Variants in ULK4 observed in about 807,000 individuals in gnomAD.
ULK4 encodes unc-51 like kinase 4, also known as inactive serine/threonine-protein kinase ULK4.
A neutral mutation model predicts 160.6 loss-of-function variants in ULK4; 133 were observed. That is an observed-to-expected ratio of 0.83 (90% CI 0.72 to 0.96). The LOEUF (loss-of-function observed/expected upper bound fraction) is 0.96, where lower values mean the gene tolerates loss of function less well. ULK4 is among the 40% of genes least tolerant of loss of function. The pLI, the probability that ULK4 is intolerant of heterozygous loss-of-function variation, is 0.00. For missense variants in ULK4, 1,580 were observed against 1,499.5 expected, an observed-to-expected ratio of 1.05 and a Z score of -0.89; for synonymous variants, 534 against 539.8, an observed-to-expected ratio of 0.99 and a Z score of 0.15.
intron 17 of ULK4, among the ~76,000 whole-genome samples, chr3:41,840,647 A>T (rs1009022205): frequency 8.5e-5 from 13 of 152,286 alleles, no homozygotes; most frequent in Non-Finnish European, 8.8e-5. Context: ...GGGTGCTGGG[A>T]TTGCAGACGG....
chr3:41,941,005 C>G (rs1158018285), intron 2 of ULK4, among the ~76,000 whole-genome samples: 1 of 151,608 alleles, frequency 6.6e-6, no homozygotes, highest in Non-Finnish European at 1.5e-5. Flanking sequence ...TTGCTGACAA[C>G]TACCAAAGTG....
At chr3:41,775,451 T>A (rs1575688314) in intron 21 of ULK4, among the ~76,000 whole-genome samples, 1 of 148,390 alleles carries the variant, frequency 6.7e-6, no homozygotes, top group African/African-American at 2.6e-5. Context: ...CAGGCTGGAG[T>A]GCAGTGGTGC....
intron 31 of ULK4, among the ~76,000 whole-genome samples, chr3:41,603,588 C>CT (rs1195846534): frequency 7.3e-5 from 11 of 150,970 alleles, no homozygotes; most frequent in South Asian, 4.2e-4. Context: ...ATAGAATACA[C>CT]TTTTTTTTTC....
chr3:41,362,462 A>G (rs1261733796), intron 35 of ULK4, among the ~76,000 whole-genome samples: 1 of 152,212 alleles, frequency 6.6e-6, no homozygotes, highest in Non-Finnish European at 1.5e-5. Context: ...CTCTTCATAT[A>G]CTAGGGTATC....
intron 35 of ULK4, among the ~76,000 whole-genome samples, chr3:41,250,125 G>A (rs2078718285): frequency 1.3e-5 from 2 of 152,136 alleles, no homozygotes; most frequent in African/African-American, 4.8e-5. Flanking sequence ...GCCTGACTCT[G>A]TAGCACCTAT....
chr3:41,959,351 A>C (rs80066790), intron 1 of ULK4, among the ~76,000 whole-genome samples: 3 of 132,024 alleles, frequency 2.3e-5, no homozygotes, highest in African/African-American at 8.0e-5. Flanking sequence ...GGAACAGAAC[A>C]AGATTCCATC....
rs116338804 is a variant in ULK4, at chr3:41,817,021, G to C, written c.1848+2402C>G. On this transcript the variant is annotated intron_variant, in intron 19 of 36. Transcript: ENST00000301831. Reference sequence around the variant, plus strand: ...CTGATGTGACAGAGGTGACACTGCAGAGCAGGGGAGAGAAGACACACTTTC... The same window carrying C: ...CTGATGTGACAGAGGTGACACTGCACAGCAGGGGAGAGAAGACACACTTTC... 6.6e-3 allele frequency among the ~76,000 whole-genome samples: 998 copies of C among 152,182 alleles called. 9 individuals are homozygous for C. The highest frequency in any genetic ancestry group is 0.023 in the African/African-American group (964 of 41,492).
intron 21 of ULK4, among the ~76,000 whole-genome samples, chr3:41,771,595 C>T (rs1489855459): frequency 2.0e-5 from 3 of 151,684 alleles, no homozygotes; most frequent in African/African-American, 7.3e-5. Flanking sequence ...CAATGCTTTT[C>T]CTTTCAAATC....
chr3:41,339,640 GC>G, intron 35 of ULK4, among the ~76,000 whole-genome samples: 1 of 152,278 alleles, frequency 6.6e-6, no homozygotes, highest in African/African-American at 2.4e-5. Context: ...GTGGAATGGG[GC>G]TTTTCCGATG....
At chr3:41,728,686 G>C (rs1008185273) in intron 22 of ULK4, among the ~76,000 whole-genome samples, 3 of 152,156 alleles carry the variant, frequency 2.0e-5, no homozygotes, top group Non-Finnish European at 4.4e-5. Flanking sequence ...ACTGAAGGGT[G>C]AAGAAAACCC....
intron 31 of ULK4, among the ~76,000 whole-genome samples, chr3:41,567,318 A>G (rs2087814772): frequency 6.6e-6 from 1 of 152,144 alleles, no homozygotes; most frequent in Admixed American, 6.6e-5. Context: ...GAAGATAGCA[A>G]GTACTCTGGC....
intron 34 of ULK4, among the ~76,000 whole-genome samples, chr3:41,450,250 T>C (rs568411198): frequency 5.4e-4 from 82 of 152,286 alleles, no homozygotes; most frequent in African/African-American, 1.9e-3. Context: ...AGTCAACTTA[T>C]TATATCCTAT....
chr3:41,307,056 C>G (rs949616316), intron 35 of ULK4, among the ~76,000 whole-genome samples: 2 of 151,034 alleles, frequency 1.3e-5, no homozygotes, highest in African/African-American at 4.9e-5. Context: ...GACCTTTGTT[C>G]ACTTGTTTAT....
intron 35 of ULK4, among the ~76,000 whole-genome samples, chr3:41,347,440 T>G (rs1319182712): frequency 6.6e-6 from 1 of 152,216 alleles, no homozygotes; most frequent in East Asian, 1.9e-4. Context: ...TCAAAAATCA[T>G]GAGATAGTCA....
At chr3:41,508,568 C>T (rs1252585061) in intron 32 of ULK4, among the ~76,000 whole-genome samples, 3 of 152,158 alleles carry the variant, frequency 2.0e-5, no homozygotes, top group African/African-American at 4.8e-5. Context: ...CCAAGGCCCA[C>T]TTCACTCCCC....
intron 35 of ULK4, among the ~76,000 whole-genome samples, chr3:41,324,872 A>G (rs1474874853): frequency 1.3e-5 from 2 of 152,210 alleles, no homozygotes; most frequent in African/African-American, 4.8e-5. Context: ...CCAGCGCCTC[A>G]TGATAAACTA....
At chr3:41,300,870 T>C (rs867047588) in intron 35 of ULK4, among the ~76,000 whole-genome samples, 1,459 of 114,766 alleles carry the variant, frequency 0.013, 138 homozygotes, top group African/African-American at 0.055. Flanking sequence ...TATATATATA[T>C]ATATATATAT....
chr3:41,719,715 C>T (rs1331474260), intron 22 of ULK4, among the ~76,000 whole-genome samples: 2 of 152,190 alleles, frequency 1.3e-5, no homozygotes, highest in Admixed American at 1.3e-4. Flanking sequence ...CTAACTAGTC[C>T]ATCTGCTTCT....
intron 30 of ULK4, among the ~76,000 whole-genome samples, chr3:41,620,651 C>G (rs1284912170): frequency 6.6e-6 from 1 of 152,038 alleles, no homozygotes; most frequent in African/African-American, 2.4e-5. Context: ...AAACCTATAG[C>G]CAATATAATA....
Sources: allele counts gnomAD v4.1 joint callset (sites outside exome capture counted in the v4.1 genomes callset), GRCh38; gene constraint gnomAD v4.1.1; transcripts MANE v1.5; gene names NCBI Gene and HGNC (gene_info 2026-07-23, HGNC 2026-07-21).